The following TRIOBP variants were observed in gnomAD, a reference collection of about 807,000 sequenced individuals.
TRIOBP encodes TRIO and F-actin-binding protein.
A neutral mutation model predicts 238.8 loss-of-function variants in TRIOBP; 169 were observed. That is an observed-to-expected ratio of 0.71 (90% CI 0.62 to 0.80). TRIOBP has a LOEUF of 0.80. TRIOBP is among the 30% of genes least tolerant of loss of function. The pLI, the probability that TRIOBP is intolerant of heterozygous loss-of-function variation, is 0.00. For missense variants in TRIOBP, 2,838 were observed against 3,122.6 expected (o/e 0.91, Z 2.17); for synonymous variants, 1,150 against 1,274.4 (o/e 0.90, Z 2.08).
At chr22:37,733,976 G>A (rs1289604023) in intron 8 of TRIOBP, among the ~76,000 whole-genome samples, 1 of 152,216 alleles carries the variant, frequency 6.6e-6, no homozygotes, top group Non-Finnish European at 1.5e-5. Flanking sequence ...CAATACTGCT[G>A]TCTTGAGCAG....
intron 14 of TRIOBP, 59 bp from the exon 15 acceptor site, chr22:37,755,491 G>A (rs1925869398): frequency 1.4e-6 from 2 of 1,469,154 alleles, no homozygotes; most frequent in Middle Eastern, 1.7e-4. Flanking sequence ...GGGGTCCATA[G>A]TGGGGAGGGA....
At chr22:37,758,177 C>T (rs1455773034) in intron 16 of TRIOBP, 39 bp downstream of exon 16, 1 of 1,607,522 alleles carries the variant, frequency 6.2e-7, no homozygotes, top group Non-Finnish European at 8.5e-7. Flanking sequence ...GCCCCTTGCC[C>T]CAGCGCCCCT....
At chr22:37,743,654 G>A (rs1367509450) in intron 11 of TRIOBP, among the ~76,000 whole-genome samples, 2 of 152,190 alleles carry the variant, frequency 1.3e-5, no homozygotes, top group Non-Finnish European at 2.9e-5. Flanking sequence ...CCACTTTAGT[G>A]GGGAAAGGTA....
chr22:37,708,812 G>A (rs1029280001), intron 3 of TRIOBP, among the ~76,000 whole-genome samples: 3 of 152,238 alleles, frequency 2.0e-5, no homozygotes, highest in Non-Finnish European at 2.9e-5. Flanking sequence ...TCTGAGGCCA[G>A]AGCCAGTGCT....
intron 17 of TRIOBP, among the ~76,000 whole-genome samples, chr22:37,760,982 AAAAG>A (rs530351909): frequency 2.4e-4 from 36 of 151,656 alleles, no homozygotes; most frequent in East Asian, 3.9e-4. Context: ...AAAAAAAAAA[AAAAG>A]AAAGAAAAGA....
At chr22:37,759,722 C>T in intron 17 of TRIOBP, 1 of 1,474,950 alleles carries the variant, frequency 6.8e-7, no homozygotes, top group South Asian at 1.3e-5. Flanking sequence ...TCCAGTAGCC[C>T]TCAGAGAATG....
In TRIOBP at chr22:37,742,257, G is replaced by GTT. The variant is rs762341330; in HGVS notation, c.5322+1243_5322+1244dup. On this transcript the variant is annotated intron_variant, in intron 11 of 23. Transcript: ENST00000644935. ...ATTGGTGTGAGCCACCACGCCAGGCGTTTTTTTTTTTTTTTTTTTAAATTA... is the reference window on the plus strand; with the variant it reads ...ATTGGTGTGAGCCACCACGCCAGGCGTTTTTTTTTTTTTTTTTTTTTAAATTA... 8.4e-4 allele frequency among the ~76,000 whole-genome samples: 86 copies of GTT among 102,762 alleles called. 3 individuals are homozygous for GTT. The highest frequency in any genetic ancestry group is 2.6e-3 in the East Asian group (9 of 3,448). The allele number at this position is 102,762 out of a possible 152,430, so 67.4% of individuals were successfully genotyped here.
At position 37,738,760 on chromosome 22, in the gene TRIOBP, GA is replaced by G. The variant is rs1924804290; in HGVS notation, c.5184+42del. The G allele has an allele frequency of 2.5e-6, 4 of 1,604,522 alleles. No individual in the cohort carries two copies. In the South Asian group the frequency reaches 3.3e-5, roughly 13 times the overall value. ...GTGTGGGTACATACGGTGGGGAAGG[GA>G]GGGGGAAGCAGGTTGGAGATGGGCT... On this transcript the variant is annotated intron_variant, in intron 10 of 23. Coordinates refer to ENST00000644935, the MANE Select transcript of TRIOBP (RefSeq NM_001039141.3).
In TRIOBP at chr22:37,757,908, A is replaced by T. The variant is rs1926025533; in HGVS notation, c.5983A>T (p.Ser1995Cys). The T allele has an allele frequency of 6.4e-7, 1 of 1,553,560 alleles. No homozygotes were observed. The highest frequency in any genetic ancestry group is 1.4e-5 in the African/African-American group (1 of 73,120). The change falls in exon 16 of 24, where the codon AGC (serine) becomes TGC (cysteine). Residue 1995 changes from serine (S) to cysteine (C), a missense_variant. This residue lies in a region of TRIOBP where 2,096 missense variants were observed against 2,137.4 expected (regional missense o/e 0.98). Transcript: ENST00000644935. The stretch of plus-strand genomic sequence containing the variant: ...GCGCAAGTGGTTTGAGGCCACAGAC[A>T]GCAGGACCCCAGAGGTGCCTGCTGG... ...ERRKWFEATD[S>C]RTPEVPAGEG...
At chr22:37,748,908 G>T (rs1285974766) in intron 11 of TRIOBP, among the ~76,000 whole-genome samples, 3 of 152,152 alleles carry the variant, frequency 2.0e-5, no homozygotes, top group African/African-American at 7.2e-5. Context: ...CAAGGACATG[G>T]CACATATGAA....
intron 10 of TRIOBP, 140 bp from the exon 11 acceptor site, chr22:37,740,755 C>T: frequency 2.4e-6 from 3 of 1,264,584 alleles, no homozygotes; most frequent in Non-Finnish European, 3.3e-6. Context: ...CTCGTCTCGG[C>T]AGTTCTGGGA....
chr22:37,733,232 G>T, intron 7 of TRIOBP, 66 bp from the exon 8 acceptor site: 5 of 1,276,216 alleles, frequency 3.9e-6, no homozygotes, highest in Non-Finnish European at 5.6e-6. Context: ...TTGGAGGTGG[G>T]AGCAGAGGGG....
Position 37,725,081 on chromosome 22 carries a change from A to G in TRIOBP, c.2525A>G (p.Asp842Gly). The G allele has an allele frequency of 6.2e-7, 1 of 1,614,188 alleles. No individual in the cohort carries two copies. Among genetic ancestry groups the G allele is most frequent in the Non-Finnish European group, 8.5e-7 (1 of 1,180,040 alleles). ...CCTAAAACCTCTTGTACCAAACGAGATAACCTCAGACCCACTTGTACACAG... is the reference window on the plus strand; with the variant it reads ...CCTAAAACCTCTTGTACCAAACGAGGTAACCTCAGACCCACTTGTACACAG... ...DNPKTSCTKR[D>G]NLRPTCTQRD... The change falls in exon 7 of 24, where the codon GAT becomes GGT. Residue 842 changes from aspartate to glycine, a missense_variant. Asp to Gly is a moderately conservative substitution (Grantham distance 94). Coordinates refer to ENST00000644935, the MANE Select transcript of TRIOBP (RefSeq NM_001039141.3).
chr22:37,743,532 C>T (rs1453003939), intron 11 of TRIOBP, among the ~76,000 whole-genome samples: 2 of 152,176 alleles, frequency 1.3e-5, no homozygotes, highest in African/African-American at 2.4e-5. Flanking sequence ...GTGCTGTGGG[C>T]TTAGGCCCTA....
intron 2 of TRIOBP, 126 bp from the exon 3 acceptor site, chr22:37,701,180 C>T (rs763584657): frequency 3.4e-6 from 2 of 586,782 alleles, no homozygotes; most frequent in African/African-American, 1.9e-5. Context: ...AGAACAGGAA[C>T]CCAAAGGAAT....
In TRIOBP at chr22:37,726,169, T is replaced by A; in HGVS notation, c.3613T>A (p.Ser1205Thr). 1 of 1,575,724 alleles carries A rather than the reference T, an allele frequency of 6.3e-7. No homozygotes were observed. The highest frequency in any genetic ancestry group is 1.1e-5 in the South Asian group (1 of 87,204). ...GGAGAGCCTGGCCCCCTCCACTGAC[T>A]CTCTGCATGGCTCCCCAGTGCTGAT... ...SMESLAPSTDSLHGSPVLIPQ... is the reference protein window; with the variant it reads ...SMESLAPSTDTLHGSPVLIPQ... The change falls in exon 7 of 24, where the codon TCT (serine) becomes ACT (threonine). Residue 1205 changes from serine to threonine, a missense_variant. By Grantham distance (58) the Ser-to-Thr change is moderately conservative (BLOSUM62 1). Transcript: ENST00000644935.
intron 19 of TRIOBP, 152 bp downstream of exon 19, chr22:37,768,328 C>T: frequency 1.4e-6 from 1 of 715,946 alleles, no homozygotes; most frequent in South Asian, 1.5e-5. Flanking sequence ...AGAAGGTCCT[C>T]AGGCAGACCC....
At chr22:37,698,102 C>T (rs939401928) in intron 2 of TRIOBP, among the ~76,000 whole-genome samples, 1 of 146,894 alleles carries the variant, frequency 6.8e-6, no homozygotes, top group Admixed American at 6.9e-5. Context: ...TGGGAGGCTG[C>T]GGCAGGAGAA....
In TRIOBP at chr22:37,726,294, G is replaced by A. The variant is rs376529019; in HGVS notation, c.3738G>A (p.Pro1246=). The change falls in exon 7 of 24, where the codon CCG becomes CCA. Residue 1246 remains proline, a synonymous_variant. Coordinates refer to ENST00000644935, the MANE Select transcript of TRIOBP (RefSeq NM_001039141.3). ...DLAFLAPSPS[P]GSSGGSRGSA... Reference sequence around the variant, plus strand: ...CGTTCCTGGCACCCTCACCTTCACCGGGCAGCTCTGGGGGCTCCCGGGGCT... The same window carrying A: ...CGTTCCTGGCACCCTCACCTTCACCAGGCAGCTCTGGGGGCTCCCGGGGCT... 7 of 1,611,742 alleles carry A rather than the reference G, an allele frequency of 4.3e-6. No homozygotes were observed. Among genetic ancestry groups the A allele is most frequent in the African/African-American group, 2.7e-5 (2 of 74,784 alleles).
Sources: allele counts gnomAD v4.1 joint callset (sites outside exome capture counted in the v4.1 genomes callset), GRCh38; gene constraint gnomAD v4.1.1; regional missense constraint gnomAD v4.1.1; transcripts MANE v1.5; gene names NCBI Gene and HGNC (gene_info 2026-07-23, HGNC 2026-07-21).